TMPRSS11A: variants seen among roughly 807,000 people sequenced by gnomAD.
TMPRSS11A encodes the protein transmembrane protease serine 11A.
In TMPRSS11A, 53 loss-of-function variants were observed where a neutral mutation model predicts 58.9. The ratio of observed to expected loss-of-function variants is 0.90; its 90% CI spans 0.72 to 1.13. TMPRSS11A has a LOEUF of 1.13. TMPRSS11A is among the 50% of genes most tolerant of loss of function. TMPRSS11A has a pLI of 0.00. For synonymous variants in TMPRSS11A, 167 were observed against 169.8 expected (o/e 0.98, Z 0.13); for missense variants, 493 against 499.3 (o/e 0.99, Z 0.12).
rs752004028 is a variant in TMPRSS11A at position 67,914,647 on chromosome 4, C to T, written c.1036G>A (p.Asp346Asn). Reference sequence around the variant, plus strand: ...GCACAGAACATTCCAGGTTTTATATCATTGCCATACACCTGTGGTTGCTTG... The same window carrying T: ...GCACAGAACATTCCAGGTTTTATATTATTGCCATACACCTGTGGTTGCTTG... ...VCKQPQVYGNDIKPGMFCAGY... is the reference protein window; with the variant it reads ...VCKQPQVYGNNIKPGMFCAGY... The change falls in exon 9 of 10, where the codon GAT becomes AAT. Residue 346 changes from aspartate to asparagine, a missense_variant. Asp to Asn is a conservative substitution (Grantham distance 23, BLOSUM62 1). Coordinates refer to ENST00000508048, the MANE Select transcript of TMPRSS11A (RefSeq NM_001114387.2). The T allele has an allele frequency of 2.1e-5, 34 of 1,613,416 alleles. No homozygotes were observed. Among genetic ancestry groups the T allele is most frequent in the Middle Eastern group, 3.3e-4 (2 of 6,080 alleles).
At chr4:67,924,029 G>C in intron 6 of TMPRSS11A, 99 bp downstream of exon 6, 1 of 995,764 alleles carries the variant, frequency 1.0e-6, no homozygotes, top group Non-Finnish European at 1.6e-6. Context: ...ATCTCTCAAA[G>C]AAAATCTGGA....
chr4:67,961,528 T>G (rs1158412297), intron 1 of TMPRSS11A, among the ~76,000 whole-genome samples: 1 of 97,062 alleles, frequency 1.0e-5, no homozygotes, highest in African/African-American at 4.6e-5. Flanking sequence ...TTTTTTTTTT[T>G]TGAGACAGAG....
intron 1 of TMPRSS11A, among the ~76,000 whole-genome samples, chr4:67,956,730 T>C (rs1365031674): frequency 1.3e-5 from 2 of 152,246 alleles, no homozygotes; most frequent in African/African-American, 4.8e-5. Flanking sequence ...TATCTGATCA[T>C]AAATTCTTAC....
intron 3 of TMPRSS11A, among the ~76,000 whole-genome samples, chr4:67,934,295 AC>A (rs1350396346): frequency 1.3e-5 from 2 of 152,156 alleles, no homozygotes; most frequent in African/African-American, 4.8e-5. Context: ...ATCAGAAAAA[AC>A]ATGAACATAA....
chr4:67,954,730 A>G (rs1357641494), intron 1 of TMPRSS11A, among the ~76,000 whole-genome samples: 2 of 152,208 alleles, frequency 1.3e-5, no homozygotes, highest in Non-Finnish European at 1.5e-5. Flanking sequence ...AGCATTAACA[A>G]TAAGAGCCAA....
At chr4:67,943,317 A>G (rs1428946587) in intron 3 of TMPRSS11A, among the ~76,000 whole-genome samples, 1 of 152,230 alleles carries the variant, frequency 6.6e-6, no homozygotes, top group Non-Finnish European at 1.5e-5. Context: ...ACTTACAACA[A>G]CAACAGTAGC....
At position 67,922,899 on chromosome 4, in the gene TMPRSS11A, T is replaced by C. The variant is rs895248656; in HGVS notation, c.548A>G (p.Asn183Ser). The C allele has an allele frequency of 6.2e-7, 1 of 1,614,160 alleles. No individual in the cohort carries two copies. The highest frequency in any genetic ancestry group is 1.3e-5 in the African/African-American group (1 of 75,038). Reference protein sequence around the residue: ...ASCGKRVVPLNVNRIASGVIA... With the variant: ...ASCGKRVVPLSVNRIASGVIA... ...GACTCCAGATGCTATTCTGTTGACGTTTAATGGAACAACTCGTTTACCACA... is the reference window on the plus strand; with the variant it reads ...GACTCCAGATGCTATTCTGTTGACGCTTAATGGAACAACTCGTTTACCACA... Residue 183 changes from asparagine to serine, a missense_variant, in exon 7 of 10, where the codon AAC (asparagine) becomes AGC (serine). Transcript: ENST00000508048.
intron 4 of TMPRSS11A, among the ~76,000 whole-genome samples, chr4:67,930,831 C>CTTT (rs1720597529): frequency 1.3e-5 from 1 of 74,740 alleles, no homozygotes; most frequent in African/African-American, 5.2e-5. Context: ...TTTTTTTTTA[C>CTTT]AAAAAAAAAA....
intron 1 of TMPRSS11A, among the ~76,000 whole-genome samples, chr4:67,954,697 G>A (rs1310873580): frequency 6.6e-6 from 1 of 152,130 alleles, no homozygotes; most frequent in African/African-American, 2.4e-5. Flanking sequence ...ATGAGTGAAC[G>A]GACTTCTAAT....
intron 3 of TMPRSS11A, among the ~76,000 whole-genome samples, chr4:67,938,360 T>G (rs1397223150): frequency 6.6e-6 from 1 of 152,204 alleles, no homozygotes; most frequent in Non-Finnish European, 1.5e-5. Context: ...GTAGGTTGTT[T>G]GTTTACTCTG....
intron 3 of TMPRSS11A, among the ~76,000 whole-genome samples, chr4:67,942,487 T>A (rs1247826782): frequency 2.0e-5 from 3 of 152,236 alleles, no homozygotes; most frequent in East Asian, 1.9e-4. Context: ...CATCTTGGAA[T>A]CTTCAGCCTC....
At chr4:67,945,996 A>G (rs963122867) in intron 2 of TMPRSS11A, among the ~76,000 whole-genome samples, 3 of 152,170 alleles carry the variant, frequency 2.0e-5, no homozygotes, top group Non-Finnish European at 4.4e-5. Context: ...ATTTTATTAG[A>G]CAAGTGTTTT....
chr4:67,949,188 A>G (rs1721096047), intron 1 of TMPRSS11A, among the ~76,000 whole-genome samples: 2 of 152,184 alleles, frequency 1.3e-5, no homozygotes, highest in African/African-American at 4.8e-5. Flanking sequence ...AAATGGAGAA[A>G]GTAGATAAAA....
At chr4:67,919,288 T>C (rs764282640) in intron 7 of TMPRSS11A, 56 bp from the exon 8 acceptor site, 12 of 1,502,664 alleles carry the variant, frequency 8.0e-6, no homozygotes, top group African/African-American at 1.4e-5. Flanking sequence ...GTATATGAGC[T>C]AGATTAATTG....
In TMPRSS11A at chr4:67,915,643, G is replaced by A. The variant is rs139665149; in HGVS notation, c.953-913C>T. 8.5e-5 allele frequency among the ~76,000 whole-genome samples: 13 copies of A among 152,298 alleles called. No individual in the cohort carries two copies. In the East Asian group the frequency reaches 2.1e-3, roughly 25 times the overall value. On this transcript the variant is annotated intron_variant, in intron 8 of 9. Coordinates refer to ENST00000508048, the MANE Select transcript of TMPRSS11A (RefSeq NM_001114387.2). ...TCAGCTGAGCCATTTCAAAAAGGGC[G>A]AGCCTTGCTGGAGTTGAGACACTTT...
At chr4:67,950,720 T>G (rs1472264805) in intron 1 of TMPRSS11A, among the ~76,000 whole-genome samples, 1 of 152,248 alleles carries the variant, frequency 6.6e-6, no homozygotes, top group Non-Finnish European at 1.5e-5. Flanking sequence ...ATTTAAATAT[T>G]CTTTTATTTT....
intron 4 of TMPRSS11A, among the ~76,000 whole-genome samples, chr4:67,930,729 G>T (rs1362759835): frequency 1.4e-5 from 2 of 139,592 alleles, no homozygotes; most frequent in East Asian, 4.3e-4. Flanking sequence ...TGTTAAAATA[G>T]GAAAAGCAAT....
chr4:67,947,029 T>C (rs2109763242), intron 1 of TMPRSS11A, among the ~76,000 whole-genome samples: 1 of 152,302 alleles, frequency 6.6e-6, no homozygotes, highest in South Asian at 2.1e-4. Flanking sequence ...CTAAGAATAG[T>C]ATAATTGAAC....
chr4:67,959,023 G>C (rs948890082), intron 1 of TMPRSS11A, among the ~76,000 whole-genome samples: 1 of 152,168 alleles, frequency 6.6e-6, no homozygotes, highest in South Asian at 2.1e-4. Context: ...ATGGAACTGT[G>C]AGTGCATTAA....
Sources: allele counts gnomAD v4.1 joint callset (sites outside exome capture counted in the v4.1 genomes callset), GRCh38; gene constraint gnomAD v4.1.1; transcripts MANE v1.5; gene names NCBI Gene and HGNC (gene_info 2026-07-23, HGNC 2026-07-21).